The following IRAK3 variants were observed in gnomAD, a reference collection of about 807,000 sequenced individuals.
The protein encoded by IRAK3 is interleukin 1 receptor associated kinase 3, also known as interleukin-1 receptor-associated kinase 3.
In IRAK3, 57 loss-of-function variants were observed where a neutral mutation model predicts 56.6. The ratio of observed to expected loss-of-function variants is 1.01; its 90% confidence interval spans 0.81 to 1.26. The LOEUF is 1.26. Among genes scored for constraint, IRAK3 ranks in the 50% most tolerant of loss-of-function variants. The pLI is 0.00. For synonymous variants in IRAK3, 258 were observed against 255.7 expected, an observed-to-expected ratio of 1.01 and a Z score of -0.09; for missense variants, 703 against 719.0, an observed-to-expected ratio of 0.98 and a Z score of 0.25.
At chr12:66,221,527 T>C (rs920945540) in intron 6 of IRAK3, among the ~76,000 whole-genome samples, 5 of 152,260 alleles carry the variant, frequency 3.3e-5, no homozygotes, top group Non-Finnish European at 7.3e-5. Flanking sequence ...TACATTGAGA[T>C]ACATTCCTTC....
At position 66,214,020 on chromosome 12, in the gene IRAK3, G is replaced by A. The variant is rs190336332; in HGVS notation, c.588+2423G>A. Among the ~76,000 whole-genome samples, 4 of 152,312 alleles carry A rather than the reference G, an allele frequency of 2.6e-5. No individual in the cohort carries two copies. The East Asian group carries it at 5.8e-4, about 22-fold the overall frequency. The stretch of plus-strand genomic sequence containing the variant: ...GACCTGGAGGTGTGTGTATGAAAAC[G>A]TAGGTCTTCCTCATGAATAGCATTT... On this transcript the variant is annotated intron_variant, in intron 5 of 11. Coordinates refer to ENST00000261233, the MANE Select transcript of IRAK3 (RefSeq NM_007199.3).
At chr12:66,241,707 C>A (rs185234565) in intron 8 of IRAK3, among the ~76,000 whole-genome samples, 1 of 152,350 alleles carries the variant, frequency 6.6e-6, no homozygotes, top group East Asian at 1.9e-4. Flanking sequence ...TATCTTTTCA[C>A]CGATTGTCAT....
intron 1 of IRAK3, among the ~76,000 whole-genome samples, chr12:66,195,986 C>G (rs576447599): frequency 6.6e-6 from 1 of 151,992 alleles, no homozygotes; most frequent in Non-Finnish European, 1.5e-5. Flanking sequence ...TGACACCCCC[C>G]CCCACCACTC....
At chr12:66,247,248 C>T (rs1451172440) in intron 11 of IRAK3, among the ~76,000 whole-genome samples, 1 of 147,396 alleles carries the variant, frequency 6.8e-6, no homozygotes, top group African/African-American at 2.5e-5. Flanking sequence ...ACAGCCTGGG[C>T]AACAGAGTGA....
At position 66,248,472 on chromosome 12, in the gene IRAK3, C is replaced by T. The variant is rs1330156631; in HGVS notation, c.*301C>T. ...TTCAGCCAAACAAAACAATCAAAAC[C>T]TACCAAAAAGGGACTGGATTGTAAT... is the stretch of plus-strand genomic sequence containing the variant. On this transcript the variant is annotated 3_prime_UTR_variant, in exon 12 of 12. Coordinates refer to ENST00000261233, the MANE Select transcript of IRAK3 (RefSeq NM_007199.3). The T allele has an allele frequency of 3.7e-6, 1 of 271,358 alleles. No homozygotes were observed. Among genetic ancestry groups the T allele is most frequent in the African/African-American group, 2.2e-5 (1 of 45,482 alleles). 16.8% of individuals were successfully genotyped at this position (271,358 alleles called of 1,614,324 possible).
intron 8 of IRAK3, chr12:66,235,039 A>T (rs989495336): frequency 3.8e-5 from 62 of 1,613,120 alleles, no homozygotes; most frequent in Non-Finnish European, 4.7e-5. Context: ...CTATTTTCCC[A>T]TATGGTTGAC....
chr12:66,195,391 C>T (rs1253674728), intron 1 of IRAK3, among the ~76,000 whole-genome samples: 1 of 152,180 alleles, frequency 6.6e-6, no homozygotes, highest in Non-Finnish European at 1.5e-5. Flanking sequence ...GCCCAGCAGT[C>T]GGCAAGCCTG....
chr12:66,198,745 TCTC>T (rs1380894113), intron 1 of IRAK3, among the ~76,000 whole-genome samples: 2 of 151,554 alleles, frequency 1.3e-5, no homozygotes, highest in African/African-American at 4.8e-5. Context: ...TTCTTTTCCT[TCTC>T]CTTTTTTTTT....
rs767205362 is a variant in IRAK3 at position 66,244,967 on chromosome 12, C to T, written c.1106C>T (p.Thr369Ile). Residue 369 changes from threonine to isoleucine, a missense_variant, in exon 10 of 12, where the codon ACA (threonine) becomes ATA (isoleucine). Transcript: ENST00000261233. ...TTGTAGGTAATAATGGAAGTTCTAA[C>T]AGGATGTAGAGTAGTGTTAGATGAT... Reference protein sequence around the residue: ...SFGIVIMEVLTGCRVVLDDPK... With the variant: ...SFGIVIMEVLIGCRVVLDDPK... 6.2e-7 allele frequency: 1 copy of T among 1,612,592 alleles called. No homozygotes were observed. The highest frequency in any genetic ancestry group is 2.2e-5 in the East Asian group (1 of 44,884).
intron 1 of IRAK3, among the ~76,000 whole-genome samples, chr12:66,203,142 A>T (rs895128971): frequency 3.3e-5 from 5 of 152,178 alleles, no homozygotes; most frequent in African/African-American, 1.2e-4. Flanking sequence ...AAATCTGAGG[A>T]GAAGCAGAGT....
intron 1 of IRAK3, among the ~76,000 whole-genome samples, chr12:66,200,283 C>A (rs974046987): frequency 6.6e-6 from 1 of 152,176 alleles, no homozygotes; most frequent in Non-Finnish European, 1.5e-5. Flanking sequence ...TTTAACATAG[C>A]AGAGGCTTAC....
intron 2 of IRAK3, among the ~76,000 whole-genome samples, chr12:66,208,217 G>C (rs1385614837): frequency 1.3e-5 from 2 of 152,030 alleles, no homozygotes; most frequent in Admixed American, 6.6e-5. Context: ...AAATATGGCA[G>C]GGTTTTACTC....
chr12:66,217,983 T>C (rs1023671130), intron 6 of IRAK3, among the ~76,000 whole-genome samples: 1 of 152,112 alleles, frequency 6.6e-6, no homozygotes, highest in African/African-American at 2.4e-5. Context: ...AAATCCAAAA[T>C]TGTAATAGTA....
chr12:66,189,553 C>G (rs2052379705), intron 1 of IRAK3, 121 bp downstream of exon 1: 2 of 605,706 alleles, frequency 3.3e-6, no homozygotes, highest in South Asian at 7.7e-5. Flanking sequence ...GGGAAGTTCC[C>G]GCCAGGGAGC....
chr12:66,207,444 C>G (rs964308095), intron 2 of IRAK3, among the ~76,000 whole-genome samples: 1 of 150,764 alleles, frequency 6.6e-6, no homozygotes, highest in Non-Finnish European at 1.5e-5. Flanking sequence ...TGCACTCCAG[C>G]CTGGTTGACA....
intron 6 of IRAK3, 112 bp from the exon 7 acceptor site, chr12:66,226,611 A>G: frequency 1.4e-6 from 1 of 719,888 alleles, no homozygotes; most frequent in Non-Finnish European, 2.5e-6. Flanking sequence ...CTGAATTTAT[A>G]TTCCGCTTTA....
chr12:66,202,052 C>A (rs1488728493), intron 1 of IRAK3, among the ~76,000 whole-genome samples: 1 of 152,124 alleles, frequency 6.6e-6, no homozygotes, highest in Non-Finnish European at 1.5e-5. Context: ...ACTTTATGTG[C>A]ATTGTAGAAT....
At chr12:66,212,980 G>A (rs1198053789) in intron 5 of IRAK3, among the ~76,000 whole-genome samples, 3 of 151,942 alleles carry the variant, frequency 2.0e-5, no homozygotes, top group South Asian at 2.1e-4. Context: ...GCAAACCACC[G>A]TGGCACATGT....
At chr12:66,196,894 C>T in intron 1 of IRAK3, 1 of 1,521,296 alleles carries the variant, frequency 6.6e-7, no homozygotes. Context: ...TAAAAACAAG[C>T]TTTGTGAGAA....
Sources: allele counts gnomAD v4.1 joint callset (sites outside exome capture counted in the v4.1 genomes callset), GRCh38; gene constraint gnomAD v4.1.1; transcripts MANE v1.5; gene names NCBI Gene and HGNC (gene_info 2026-07-23, HGNC 2026-07-21).